The following CNOT4 variants were observed in gnomAD, a reference collection of about 807,000 sequenced individuals.
CNOT4 encodes CCR4-NOT transcription complex subunit 4.
In CNOT4, 8 loss-of-function variants were observed where a neutral mutation model predicts 73.8. The observed-to-expected ratio is 0.11, with a 90% confidence interval of 0.06 to 0.20. The LOEUF is 0.20. CNOT4 is among the 10% of genes least tolerant of loss of function. The pLI, the probability that CNOT4 is intolerant of heterozygous loss-of-function variation, is 1.00. For synonymous variants in CNOT4, 293 were observed against 321.1 expected (o/e 0.91, Z 0.94); for missense variants, 564 against 883.4 (o/e 0.64, Z 4.58).
At chr7:135,482,411 T>A (rs1263201296) in intron 1 of CNOT4, among the ~76,000 whole-genome samples, 1 of 151,190 alleles carries the variant, frequency 6.6e-6, no homozygotes, top group African/African-American at 2.4e-5. Flanking sequence ...TAAAAATCGG[T>A]CAGGTGTGGT....
Position 135,395,890 on chromosome 7 carries a change from A to G in CNOT4, c.880-7T>C, listed in dbSNP as rs1796652877. On this transcript the variant is annotated splice_polypyrimidine_tract_variant and splice_region_variant and intron_variant, in intron 8 of 11. Transcript: ENST00000541284. ...GCGTATCACTGTTAGATATCTGAAT[A>G]AAAAAGGAAAACAAATAATAACTAC... 6.3e-7 allele frequency: 1 copy of G among 1,588,288 alleles called. No individual in the cohort carries two copies. The highest frequency in any genetic ancestry group is 1.7e-5 in the Admixed American group (1 of 59,392).
chr7:135,470,146 G>A (rs530304669), intron 1 of CNOT4, among the ~76,000 whole-genome samples: 21 of 149,746 alleles, frequency 1.4e-4, no homozygotes, highest in Non-Finnish European at 2.7e-4. Flanking sequence ...TGGGGGGGGA[G>A]GCCAGGGTCT....
intron 10 of CNOT4, among the ~76,000 whole-genome samples, chr7:135,367,695 C>T (rs1037936958): frequency 1.3e-5 from 2 of 152,176 alleles, no homozygotes; most frequent in African/African-American, 4.8e-5. Context: ...TTAGGAATAA[C>T]ACTCATCATT....
At chr7:135,454,281 G>A (rs1187980233) in intron 1 of CNOT4, among the ~76,000 whole-genome samples, 1 of 151,810 alleles carries the variant, frequency 6.6e-6, no homozygotes, top group East Asian at 1.9e-4. Flanking sequence ...GTTCATTCCT[G>A]TTTCCAATAG....
chr7:135,373,857 A>C (rs1795363170), intron 10 of CNOT4, among the ~76,000 whole-genome samples: 1 of 152,204 alleles, frequency 6.6e-6, no homozygotes, highest in East Asian at 1.9e-4. Context: ...CTGGGATTAC[A>C]GGCCTGAGCC....
intron 1 of CNOT4, among the ~76,000 whole-genome samples, chr7:135,499,431 C>T (rs760909075): frequency 3.3e-5 from 5 of 152,104 alleles, no homozygotes; most frequent in Non-Finnish European, 7.4e-5. Flanking sequence ...GCACCCAAAG[C>T]ACCCCCAAGG....
At chr7:135,413,375 T>C in intron 6 of CNOT4, 113 bp downstream of exon 6, 1 of 1,217,708 alleles carries the variant, frequency 8.2e-7, no homozygotes, top group Non-Finnish European at 1.2e-6. Flanking sequence ...TACTTTAAAG[T>C]AATATCAGTT....
At chr7:135,479,782 C>T (rs1291924220) in intron 1 of CNOT4, among the ~76,000 whole-genome samples, 1 of 151,650 alleles carries the variant, frequency 6.6e-6, no homozygotes, top group Non-Finnish European at 1.5e-5. Flanking sequence ...CCCAGCTACT[C>T]GAGAGGCTGA....
At chr7:135,384,640 C>T (rs1046613725) in intron 10 of CNOT4, 1 of 764,786 alleles carries the variant, frequency 1.3e-6, no homozygotes, top group Non-Finnish European at 2.4e-6. Flanking sequence ...TCTCTTCCCA[C>T]CACCCAACGA....
intron 10 of CNOT4, chr7:135,387,975 ACT>A (rs1423125063): frequency 1.0e-6 from 1 of 979,038 alleles, no homozygotes; most frequent in African/African-American, 1.8e-5. Context: ...CCACAGAATT[ACT>A]GTTTGTTCAG....
chr7:135,388,597 T>C, intron 10 of CNOT4: 1 of 1,183,326 alleles, frequency 8.5e-7, no homozygotes, highest in African/African-American at 1.6e-5. Context: ...ATTATTACAC[T>C]AATAAATTAT....
At chr7:135,470,357 C>A (rs561468434) in intron 1 of CNOT4, among the ~76,000 whole-genome samples, 61 of 151,994 alleles carry the variant, frequency 4.0e-4, no homozygotes, top group African/African-American at 1.5e-3. Context: ...GTCTCAAACT[C>A]CTGGGCCCAA....
At chr7:135,483,609 C>T (rs932475827) in intron 1 of CNOT4, among the ~76,000 whole-genome samples, 1 of 151,856 alleles carries the variant, frequency 6.6e-6, no homozygotes, top group Admixed American at 6.6e-5. Flanking sequence ...CAGATTGCTT[C>T]AGCCGAGAAG....
chr7:135,491,948 T>C (rs1026922016), intron 1 of CNOT4, among the ~76,000 whole-genome samples: 1 of 152,134 alleles, frequency 6.6e-6, no homozygotes, highest in Admixed American at 6.5e-5. Context: ...TATAGAAACA[T>C]AGAGAGTAAA....
chr7:135,455,911 A>G (rs1252006838), intron 1 of CNOT4, among the ~76,000 whole-genome samples: 1 of 152,244 alleles, frequency 6.6e-6, no homozygotes, highest in African/African-American at 2.4e-5. Context: ...AAGCGTGTTA[A>G]TATCTGAGAA....
At chr7:135,429,713 C>T (rs1348199322) in intron 2 of CNOT4, among the ~76,000 whole-genome samples, 1 of 152,198 alleles carries the variant, frequency 6.6e-6, no homozygotes, top group Non-Finnish European at 1.5e-5. Context: ...TCATAAACAA[C>T]TGCAGAACTA....
rs1420944871 is a variant in CNOT4, at chr7:135,445,326, TTAA to T, written c.-92-6906_-92-6904del. On this transcript the variant is annotated intron_variant, in intron 1 of 11. Transcript: ENST00000541284. ...GAATAATGGACAAAGGGAAATACTC[TTAA>T]TTCATGAATAAAAACTTTGTAGAAA... Among the ~76,000 whole-genome samples, 3 of 152,230 alleles carry T rather than the reference TTAA, an allele frequency of 2.0e-5. No homozygotes were observed. In the East Asian group the frequency reaches 5.8e-4, roughly 29 times the overall value.
intron 10 of CNOT4, chr7:135,387,006 T>C: frequency 1.3e-6 from 1 of 797,232 alleles, no homozygotes; most frequent in Non-Finnish European, 1.5e-6. Context: ...CTAGTAAGCA[T>C]CATTACAAGG....
intron 7 of CNOT4, among the ~76,000 whole-genome samples, chr7:135,400,761 G>A (rs976853730): frequency 2.0e-5 from 3 of 152,124 alleles, no homozygotes; most frequent in African/African-American, 7.2e-5. Flanking sequence ...TGTAGATTGT[G>A]TTATCTATCC....
Sources: allele counts gnomAD v4.1 joint callset (sites outside exome capture counted in the v4.1 genomes callset), GRCh38; gene constraint gnomAD v4.1.1; transcripts MANE v1.5; gene names NCBI Gene and HGNC (gene_info 2026-07-23, HGNC 2026-07-21).